Variants in PSMD1 observed in about 807,000 individuals in gnomAD.
PSMD1 encodes proteasome 26S subunit, non-ATPase 1, also known as 26S proteasome non-ATPase regulatory subunit 1.
A neutral mutation model predicts 119.0 loss-of-function variants in PSMD1; 18 were observed. That is an observed-to-expected ratio of 0.15 (90% CI 0.10 to 0.22). PSMD1 has a LOEUF of 0.22. Among genes scored for constraint, PSMD1 ranks in the 10% least tolerant of loss-of-function variants. PSMD1 has a pLI of 1.00. For missense variants in PSMD1, 702 were observed against 1,158.5 expected, an observed-to-expected ratio of 0.61 and a Z score of 5.72; for synonymous variants, 374 against 396.6, an observed-to-expected ratio of 0.94 and a Z score of 0.68.
intron 16 of PSMD1, chr2:231,123,271 A>T: frequency 2.8e-6 from 2 of 715,912 alleles, no homozygotes. Flanking sequence ...ATATAAAACA[A>T]GGGACTGTTT....
At chr2:231,120,247 C>A (rs1695491595) in intron 16 of PSMD1, among the ~76,000 whole-genome samples, 1 of 152,194 alleles carries the variant, frequency 6.6e-6, no homozygotes, top group South Asian at 2.1e-4. Context: ...CCACCGTGCC[C>A]AGCCTCCCCT....
intron 16 of PSMD1, among the ~76,000 whole-genome samples, chr2:231,127,597 G>C (rs181379893): frequency 6.6e-6 from 1 of 152,070 alleles, no homozygotes; most frequent in East Asian, 1.9e-4. Context: ...TCAAGTGATC[G>C]CCTGCCTCAG....
chr2:231,069,735 AT>A, intron 5 of PSMD1, among the ~76,000 whole-genome samples: 1 of 152,340 alleles, frequency 6.6e-6, no homozygotes, highest in South Asian at 2.1e-4. Context: ...ATCTTTTATA[AT>A]AATTAACAGC....
At chr2:231,077,693 C>T (rs1694202083) in intron 9 of PSMD1, among the ~76,000 whole-genome samples, 1 of 151,996 alleles carries the variant, frequency 6.6e-6, no homozygotes, top group African/African-American at 2.4e-5. Context: ...AATTTTTTAG[C>T]AAGTAATATA....
Position 231,100,151 on chromosome 2 carries a change from C to T in PSMD1, c.1883+12970C>T, listed in dbSNP as rs192830488. On this transcript the variant is annotated intron_variant, in intron 16 of 24. Coordinates refer to ENST00000308696, the MANE Select transcript of PSMD1 (RefSeq NM_002807.4). The stretch of plus-strand genomic sequence containing the variant: ...CCCGGGAGGGGAATGCAATCATGGG[C>T]GAGCCCCCAAATTGTTACATATAAA... Among the ~76,000 whole-genome samples the T allele has an allele frequency of 3.4e-3, 517 of 152,252 alleles. 12 individuals are homozygous for T. Among genetic ancestry groups the T allele is most frequent in the Admixed American group, 0.031 (477 of 15,296 alleles).
chr2:231,102,243 C>T (rs1232905506), intron 16 of PSMD1, among the ~76,000 whole-genome samples: 1 of 152,142 alleles, frequency 6.6e-6, no homozygotes, highest in Non-Finnish European at 1.5e-5. Flanking sequence ...GTTCGTGTGA[C>T]TCACTTTACT....
intron 1 of PSMD1, among the ~76,000 whole-genome samples, chr2:231,057,560 G>GAC (rs1693634248): frequency 6.6e-6 from 1 of 152,210 alleles, no homozygotes; most frequent in East Asian, 1.9e-4. Flanking sequence ...TTCTGGGTCC[G>GAC]ATCCAAGGGT....
rs752597031 is a variant in PSMD1, at chr2:231,165,263, AAGG to A, written c.2554_2556del (p.Glu852del). The A allele has an allele frequency of 3.7e-6, 6 of 1,602,726 alleles. No individual in the cohort carries two copies. The highest frequency in any genetic ancestry group is 3.3e-5 in the South Asian group (3 of 90,308). On this transcript the variant is annotated inframe_deletion, in exon 22 of 25. Coordinates refer to ENST00000308696, the MANE Select transcript of PSMD1 (RefSeq NM_002807.4). ...AAAGAAGGAAAAAGAAAAGGAAAAA[AAGG>A]AGGAGGAGAAAATGGAAGTGGTAGG...
intron 23 of PSMD1, among the ~76,000 whole-genome samples, chr2:231,166,408 C>G (rs1247677984): frequency 6.6e-6 from 1 of 152,156 alleles, no homozygotes; most frequent in East Asian, 1.9e-4. Context: ...CAGAGATTAC[C>G]ATCCCTGACT....
intron 16 of PSMD1, among the ~76,000 whole-genome samples, chr2:231,134,023 G>A (rs1018110350): frequency 6.6e-6 from 1 of 152,170 alleles, no homozygotes; most frequent in Non-Finnish European, 1.5e-5. Flanking sequence ...AATGTAGTTA[G>A]CTTATTTTGG....
At chr2:231,107,780 CG>C (rs1484035862) in intron 16 of PSMD1, among the ~76,000 whole-genome samples, 1 of 152,180 alleles carries the variant, frequency 6.6e-6, no homozygotes, top group Admixed American at 6.5e-5. Context: ...TGCTTGTGCA[CG>C]TTAATTAATA....
At chr2:231,167,637 C>G (rs1033932833) in intron 23 of PSMD1, among the ~76,000 whole-genome samples, 4 of 152,188 alleles carry the variant, frequency 2.6e-5, no homozygotes, top group African/African-American at 9.7e-5. Context: ...AAATTCCTGT[C>G]CAGTTGTTAG....
intron 17 of PSMD1, among the ~76,000 whole-genome samples, chr2:231,143,187 GGGTTTGGTTTGGTTTGGTTTGGTTT>G (rs3035542): frequency 0.011 from 1,554 of 145,292 alleles, 14 homozygotes; most frequent in African/African-American, 0.012. Context: ...GGAACGTTGT[GGGTTTGGTTTGGTTTGGTTTGGTTT>G]GGTTTGGTTT....
intron 10 of PSMD1, among the ~76,000 whole-genome samples, chr2:231,079,221 A>G (rs1694248453): frequency 1.3e-5 from 2 of 152,040 alleles, no homozygotes; most frequent in East Asian, 1.9e-4. Flanking sequence ...GTGTATTTCT[A>G]CTTGTTTTAA....
At chr2:231,161,903 T>G (rs975658301) in intron 20 of PSMD1, among the ~76,000 whole-genome samples, 7 of 152,220 alleles carry the variant, frequency 4.6e-5, no homozygotes, top group African/African-American at 1.7e-4. Flanking sequence ...CAGTGGAAAC[T>G]CATTACAATG....
At chr2:231,093,519 G>A (rs568146961) in intron 16 of PSMD1, among the ~76,000 whole-genome samples, 8 of 152,216 alleles carry the variant, frequency 5.3e-5, no homozygotes, top group South Asian at 2.1e-4. Context: ...TTGATGTATC[G>A]TGCTAGAATC....
chr2:231,070,621 C>T (rs1323056411), intron 6 of PSMD1, among the ~76,000 whole-genome samples: 1 of 151,818 alleles, frequency 6.6e-6, no homozygotes, highest in East Asian at 1.9e-4. Context: ...TTTGCTTGCA[C>T]ATAAAAAAAA....
At chr2:231,138,652 C>T in intron 16 of PSMD1, 84 bp from the exon 17 acceptor site, 1 of 1,027,064 alleles carries the variant, frequency 9.7e-7, no homozygotes, top group South Asian at 1.4e-5. Flanking sequence ...ATAACTTTTT[C>T]AAAAACAACT....
intron 19 of PSMD1, 64 bp from the exon 20 acceptor site, chr2:231,161,276 T>TA: frequency 7.4e-7 from 1 of 1,357,790 alleles, no homozygotes; most frequent in Non-Finnish European, 1.0e-6. Context: ...ATATCGTTAT[T>TA]ATTGTCCTAC....
Sources: allele counts gnomAD v4.1 joint callset (sites outside exome capture counted in the v4.1 genomes callset), GRCh38; gene constraint gnomAD v4.1.1; transcripts MANE v1.5; gene names NCBI Gene and HGNC (gene_info 2026-07-23, HGNC 2026-07-21).